The following SV2C variants were observed in gnomAD, a reference collection of about 807,000 sequenced individuals.
The protein encoded by SV2C is synaptic vesicle glycoprotein 2C.
A neutral mutation model predicts 79.7 loss-of-function variants in SV2C; 49 were observed. The observed-to-expected ratio is 0.61, with a 90% CI of 0.49 to 0.78. SV2C has a LOEUF of 0.78. Ranked by LOEUF, SV2C falls within the 30% of genes least tolerant of loss-of-function variation. The pLI is 0.00. For synonymous variants in SV2C, 334 were observed against 333.2 expected (o/e 1.00, Z -0.03); for missense variants, 833 against 912.9 (o/e 0.91, Z 1.13).
chr5:75,975,842 G>A, the SV2C span, among the ~76,000 whole-genome samples: 90 of 152,240 alleles, frequency 5.9e-4, no homozygotes, highest in Admixed American at 9.8e-4. Flanking sequence ...AGGCAGCATC[G>A]GTCTCTCTAT....
intron 4 of SV2C, among the ~76,000 whole-genome samples, chr5:76,224,542 T>A (rs1343501675): frequency 2.6e-5 from 4 of 152,168 alleles, no homozygotes; most frequent in African/African-American, 9.7e-5. Context: ...AAAATCGCCA[T>A]CATTTTCTAA....
intron 4 of SV2C, among the ~76,000 whole-genome samples, chr5:76,224,373 T>C (rs900071175): frequency 6.6e-6 from 1 of 152,242 alleles, no homozygotes; most frequent in Admixed American, 6.5e-5. Context: ...TGTATGTGTG[T>C]ATTTCTTTGA....
intron 2 of SV2C, among the ~76,000 whole-genome samples, chr5:76,175,915 G>A (rs1030352811): frequency 2.6e-5 from 4 of 152,076 alleles, no homozygotes; most frequent in East Asian, 1.9e-4. Flanking sequence ...CAGAATCTCC[G>A]CATGGGGATG....
chr5:76,302,188 A>C (rs1323161824), intron 12 of SV2C, among the ~76,000 whole-genome samples: 2 of 152,198 alleles, frequency 1.3e-5, no homozygotes, highest in East Asian at 3.9e-4. Flanking sequence ...TTAAGTGGCT[A>C]ACCAGTCCTT....
the SV2C span, among the ~76,000 whole-genome samples, chr5:75,954,219 A>C: frequency 1.3e-5 from 2 of 152,088 alleles, no homozygotes; most frequent in South Asian, 4.1e-4. Context: ...GGCAATGTTA[A>C]TTAAAAGGAC....
At chr5:75,927,429 T>C in the SV2C span, among the ~76,000 whole-genome samples, 3 of 151,854 alleles carry the variant, frequency 2.0e-5, no homozygotes, top group African/African-American at 7.3e-5. Context: ...TCCAGTTATA[T>C]GAAGTATCTA....
chr5:76,070,278 A>C, the SV2C span, among the ~76,000 whole-genome samples: 6 of 152,090 alleles, frequency 3.9e-5, no homozygotes, highest in Non-Finnish European at 2.9e-5. Flanking sequence ...GAGCCTCATC[A>C]AGTGTCCTGT....
chr5:76,089,740 A>G (rs1184450593), intron 1 of SV2C, among the ~76,000 whole-genome samples: 1 of 152,228 alleles, frequency 6.6e-6, no homozygotes, highest in Non-Finnish European at 1.5e-5. Context: ...GTGAGAAGGT[A>G]TCTCATTGTG....
chr5:76,154,226 A>G (rs1009391335), intron 2 of SV2C, among the ~76,000 whole-genome samples: 1 of 152,160 alleles, frequency 6.6e-6, no homozygotes, highest in African/African-American at 2.4e-5. Context: ...TTTTTCTTCC[A>G]CAGCTGTCAG....
chr5:76,089,083 A>G (rs1231420868), intron 1 of SV2C, among the ~76,000 whole-genome samples: 1 of 152,202 alleles, frequency 6.6e-6, no homozygotes, highest in Non-Finnish European at 1.5e-5. Context: ...TAACATAGGT[A>G]AACATGTGCC....
the SV2C span, among the ~76,000 whole-genome samples, chr5:75,893,777 G>A: frequency 2.0e-5 from 3 of 151,980 alleles, no homozygotes; most frequent in Admixed American, 2.0e-4. Flanking sequence ...AAACCATTGA[G>A]TTTTGAGCCA....
At chr5:76,048,615 A>G in the SV2C span, among the ~76,000 whole-genome samples, 1 of 152,234 alleles carries the variant, frequency 6.6e-6, no homozygotes, top group East Asian at 1.9e-4. Flanking sequence ...ACTGGGTCAT[A>G]ATCCAGCCTG....
Position 76,140,712 on chromosome 5 carries a change from T to C in SV2C, c.580+8382T>C, listed in dbSNP as rs551820181. ...TTTTAGCTTTATTCCAAATTTGTGA[T>C]GATTTGGCATCTGAGTGTGGCCTAA... is the stretch of plus-strand genomic sequence containing the variant. On this transcript the variant is annotated intron_variant, in intron 2 of 12. Coordinates refer to ENST00000502798, the MANE Select transcript of SV2C (RefSeq NM_014979.4). 2.3e-4 allele frequency among the ~76,000 whole-genome samples: 35 copies of C among 152,320 alleles called. 1 individual carries two copies. Among genetic ancestry groups the C allele is most frequent in the Middle Eastern group, 3.4e-3 (1 of 294 alleles).
intron 2 of SV2C, among the ~76,000 whole-genome samples, chr5:76,146,981 G>A (rs1303840061): frequency 1.3e-5 from 2 of 152,022 alleles, no homozygotes; most frequent in African/African-American, 4.8e-5. Context: ...ATCTAGAATA[G>A]GCAAACTCAT....
chr5:76,113,125 A>G (rs886277763), intron 1 of SV2C, among the ~76,000 whole-genome samples: 3 of 152,262 alleles, frequency 2.0e-5, no homozygotes, highest in Non-Finnish European at 2.9e-5. Context: ...ACCTATACGC[A>G]TGGAATTCTT....
At chr5:75,933,965 G>A in the SV2C span, among the ~76,000 whole-genome samples, 1 of 152,206 alleles carries the variant, frequency 6.6e-6, no homozygotes, top group Non-Finnish European at 1.5e-5. Context: ...TCAACCCAAT[G>A]AAATTTAGAC....
chr5:76,040,430 T>C, the SV2C span, among the ~76,000 whole-genome samples: 1 of 152,234 alleles, frequency 6.6e-6, no homozygotes, highest in African/African-American at 2.4e-5. Context: ...TATCGAATAA[T>C]GCAACAGACA....
At chr5:76,204,082 C>A (rs1311012276) in intron 3 of SV2C, among the ~76,000 whole-genome samples, 1 of 152,164 alleles carries the variant, frequency 6.6e-6, no homozygotes, top group African/African-American at 2.4e-5. Context: ...TCTGAGCAAT[C>A]TCCCCAAGGT....
chr5:76,247,496 A>G (rs1745979775), intron 4 of SV2C, among the ~76,000 whole-genome samples: 1 of 152,226 alleles, frequency 6.6e-6, no homozygotes, highest in African/African-American at 2.4e-5. Flanking sequence ...TTTACTGAGT[A>G]CAGCTTATTT....
Sources: allele counts gnomAD v4.1 joint callset (sites outside exome capture counted in the v4.1 genomes callset), GRCh38; gene constraint gnomAD v4.1.1; transcripts MANE v1.5; gene names NCBI Gene and HGNC (gene_info 2026-07-23, HGNC 2026-07-21).